NBPF3: variants seen among roughly 807,000 people sequenced by gnomAD.
The protein encoded by NBPF3 is NBPF family member NBPF3.
A neutral mutation model predicts 78.1 loss-of-function variants in NBPF3; 57 were observed. The observed-to-expected ratio is 0.73, with a 90% CI of 0.59 to 0.91. NBPF3 has a LOEUF of 0.91. NBPF3 is among the 40% of genes least tolerant of loss of function. The pLI is 0.00. For synonymous variants in NBPF3, 182 were observed against 271.7 expected (o/e 0.67, Z 3.25); for missense variants, 510 against 715.3 (o/e 0.71, Z 3.27).
chr1:21,449,001 C>T (rs115750622), intron 2 of NBPF3, among the ~76,000 whole-genome samples: 4,659 of 152,262 alleles, frequency 0.031, 93 homozygotes, highest in Middle Eastern at 0.054. Context: ...CCATTGTCCA[C>T]GTACAACTCA....
chr1:21,444,002 T>A (rs1640817066), intron 1 of NBPF3, among the ~76,000 whole-genome samples: 2 of 152,256 alleles, frequency 1.3e-5, no homozygotes, highest in African/African-American at 4.8e-5. Context: ...TATTCATTGT[T>A]GTTATTATGA....
chr1:21,467,603 A>G (rs775159411), intron 2 of NBPF3, among the ~76,000 whole-genome samples: 6 of 152,236 alleles, frequency 3.9e-5, no homozygotes, highest in African/African-American at 7.2e-5. Context: ...ATTCCATAAG[A>G]ACCGCCGCTC....
rs1438928183 is a variant in NBPF3 at position 21,478,144 on chromosome 1, G to A, written c.993G>A (p.Arg331=). ...QEEEKGPVSP[R]NLQESEEEEA... Reference sequence around the variant, plus strand: ...ATCCCTGTCCTGCCTGGCTCATCAGGAATCTGCAGGAGTCTGAAGAGGAGG... The same window carrying A: ...ATCCCTGTCCTGCCTGGCTCATCAGAAATCTGCAGGAGTCTGAAGAGGAGG... Residue 331 remains arginine (R), a splice_region_variant and synonymous_variant, in exon 9 of 15, where the codon AGG becomes AGA. Transcript: ENST00000318249. The A allele has an allele frequency of 2.5e-6, 4 of 1,613,774 alleles. No homozygotes were observed. Among genetic ancestry groups the A allele is most frequent in the African/African-American group, 2.7e-5 (2 of 74,898 alleles).
intron 2 of NBPF3, among the ~76,000 whole-genome samples, chr1:21,452,077 T>C (rs1183483238): frequency 6.6e-6 from 1 of 151,634 alleles, no homozygotes; most frequent in Non-Finnish European, 1.5e-5. Flanking sequence ...TTTCTAAACA[T>C]TCTTTAGATA....
intron 2 of NBPF3, among the ~76,000 whole-genome samples, chr1:21,457,949 CA>C (rs1001639156): frequency 2.6e-5 from 4 of 152,218 alleles, no homozygotes; most frequent in Non-Finnish European, 5.9e-5. Flanking sequence ...GTCAAAATTA[CA>C]AAGTTTTCCT....
At position 21,478,567 on chromosome 1, in the gene NBPF3, C is replaced by T. The variant is rs137906669; in HGVS notation, c.1156+260C>T. Among the ~76,000 whole-genome samples the T allele has an allele frequency of 5.7e-3, 868 of 152,382 alleles. 29 individuals carry two copies. The highest frequency in any genetic ancestry group is 0.042 in the Admixed American group (641 of 15,312). ...GACTGTCAGGACACTGAACACAAGACGGGCGTGGCAAACTCACACCAAGCT... is the reference window on the plus strand; with the variant it reads ...GACTGTCAGGACACTGAACACAAGATGGGCGTGGCAAACTCACACCAAGCT... On this transcript the variant is annotated intron_variant, in intron 9 of 14. Transcript: ENST00000318249.
chr1:21,445,194 A>C lies in NBPF3; in HGVS notation c.108A>C (p.Arg36=), dbSNP rs1284779631. ...GAGCAGCCTCACATGGTGTGGGCCG[A>C]CATCAAGAGCTGCGAGATCCAACAG... is the stretch of plus-strand genomic sequence containing the variant. ...APRAASHGVG[R]HQELRDPTVP... The change falls in exon 2 of 15, where the codon CGA becomes CGC. Residue 36 remains arginine (R), a synonymous_variant. Transcript: ENST00000318249. 7 of 1,611,884 alleles carry C rather than the reference A, an allele frequency of 4.3e-6. No homozygotes were observed. The highest frequency in any genetic ancestry group is 2.3e-4 in the Middle Eastern group (1 of 4,428).
chr1:21,446,446 T>TTTCCTTCCTTCCTTCCTTCCTTCCTTCC (rs34605179), intron 2 of NBPF3: 14 of 104,744 alleles, frequency 1.3e-4, no homozygotes, highest in African/African-American at 3.8e-4. Flanking sequence ...AATTTGTTCA[T>TTTCCTTCCTTCCTTCCTTCCTTCCTTCC]TTCCTTCCTT....
At chr1:21,466,849 T>C (rs1642298751) in intron 2 of NBPF3, 1 of 281,536 alleles carries the variant, frequency 3.6e-6, no homozygotes, top group Non-Finnish European at 5.4e-6. Context: ...GAAGATACAA[T>C]GTCCAAATGT....
Position 21,460,286 on chromosome 1 carries a change from C to T in NBPF3, c.134-8402C>T, listed in dbSNP as rs373569473. 6.6e-6 allele frequency among the ~76,000 whole-genome samples: 1 copy of T among 152,330 alleles called. No homozygotes were observed. Among genetic ancestry groups the T allele is most frequent in the African/African-American group, 2.4e-5 (1 of 41,562 alleles). ...TTGTGCACAACGTGCAGGTTTGTTA[C>T]ATAGGTGTACATGTGCCATGTTGGT... is the stretch of plus-strand genomic sequence containing the variant. On this transcript the variant is annotated intron_variant, in intron 2 of 14. Coordinates refer to ENST00000318249, the MANE Select transcript of NBPF3 (RefSeq NM_032264.6). This position sits in a 1 kb window ranked among gnomAD's most constrained non-coding sequence, Gnocchi z 4.2.
At chr1:21,477,606 T>C (rs1642953483) in intron 8 of NBPF3, among the ~76,000 whole-genome samples, 2 of 152,176 alleles carry the variant, frequency 1.3e-5, no homozygotes, top group Non-Finnish European at 2.9e-5. Context: ...TCACCTGTTC[T>C]CTCCCATGTG....
chr1:21,462,326 T>C (rs1217745447), intron 2 of NBPF3, among the ~76,000 whole-genome samples: 1 of 152,198 alleles, frequency 6.6e-6, no homozygotes, highest in Non-Finnish European at 1.5e-5. Flanking sequence ...CTCTGTGGCA[T>C]GGGGGAAAAT....
In NBPF3 at chr1:21,479,391, C is replaced by G; in HGVS notation, c.1199C>G (p.Thr400Arg). The change falls in exon 10 of 15, where the codon ACA (threonine) becomes AGA (arginine). Residue 400 changes from threonine to arginine, a missense_variant. Around this residue, in one of 5 missense-constraint regions of NBPF3, gnomAD observed 440 missense variants for 478.2 expected, o/e 0.92. Transcript: ENST00000318249. Reference sequence around the variant, plus strand: ...GTGAAAAAGGAGGACCAAGAGGCCACAAGTCCCAGGTGAGTCTGAGAAATT... The same window carrying G: ...GTGAAAAAGGAGGACCAAGAGGCCAGAAGTCCCAGGTGAGTCTGAGAAATT... ...DQVKKEDQEA[T>R]SPRLSRELLD... The G allele has an allele frequency of 6.2e-7, 1 of 1,610,722 alleles. No individual in the cohort carries two copies. Among genetic ancestry groups the G allele is most frequent in the Non-Finnish European group, 8.5e-7 (1 of 1,178,368 alleles).
intron 4 of NBPF3, 120 bp downstream of exon 4, chr1:21,470,854 C>A: frequency 3.3e-6 from 2 of 604,714 alleles, no homozygotes; most frequent in Non-Finnish European, 6.1e-6. Flanking sequence ...ATTGCCATGG[C>A]AGGCTCACGA....
At chr1:21,446,713 C>T (rs72659108) in intron 2 of NBPF3, among the ~76,000 whole-genome samples, 1,617 of 151,918 alleles carry the variant, frequency 0.011, 12 homozygotes, top group Non-Finnish European at 0.016. Context: ...CCAAAATCTC[C>T]AGATCTGCTT....
At chr1:21,465,507 A>C (rs533254784) in intron 2 of NBPF3, among the ~76,000 whole-genome samples, 56 of 152,356 alleles carry the variant, frequency 3.7e-4, no homozygotes, top group African/African-American at 1.3e-3. Context: ...GCAGAACAAG[A>C]ATATTTTCAA....
At chr1:21,451,417 T>C (rs1336835300) in intron 2 of NBPF3, among the ~76,000 whole-genome samples, 1 of 152,246 alleles carries the variant, frequency 6.6e-6, no homozygotes, top group African/African-American at 2.4e-5. Flanking sequence ...AAAGTGTTTA[T>C]ACTATTGTAC....
At position 21,479,915 on chromosome 1, in the gene NBPF3, C is replaced by T. The variant is rs1643110996; in HGVS notation, c.1209-136C>T. On this transcript the variant is annotated intron_variant, in intron 10 of 14. Transcript: ENST00000318249. ...GCCCTGGTCTGTCCCAACATGAAGG[C>T]AATAATTTGTTACCTCATTAATAGA... 8.6e-6 allele frequency: 6 copies of T among 697,418 alleles called. No individual in the cohort carries two copies. In the South Asian group the frequency reaches 8.8e-5, roughly 10 times the overall value. The allele number at this position is 697,418 out of a possible 1,614,324, so 43.2% of individuals were successfully genotyped here.
chr1:21,479,293 C>G (rs1326071771), intron 9 of NBPF3, 56 bp from the exon 10 acceptor site: 15 of 1,555,440 alleles, frequency 9.6e-6, no homozygotes, highest in Non-Finnish European at 1.3e-5. Context: ...AGGAATGTTT[C>G]CGTGTGCAAG....
Sources: allele counts gnomAD v4.1 joint callset (sites outside exome capture counted in the v4.1 genomes callset), GRCh38; gene constraint gnomAD v4.1.1; regional missense constraint gnomAD v4.1.1; non-coding constraint Gnocchi (gnomAD v3.1); transcripts MANE v1.5; gene names NCBI Gene and HGNC (gene_info 2026-07-23, HGNC 2026-07-21).